The following RALGPS2 variants were observed in gnomAD, a reference collection of about 807,000 sequenced individuals.
RALGPS2 encodes the protein ras-specific guanine nucleotide-releasing factor RalGPS2.
In RALGPS2, 43 loss-of-function variants were observed where a neutral mutation model predicts 86.8. The ratio of observed to expected loss-of-function variants is 0.50; its 90% CI spans 0.39 to 0.64. RALGPS2 has a LOEUF of 0.64. Among genes scored for constraint, RALGPS2 ranks in the 30% least tolerant of loss-of-function variants. The probability of loss-of-function intolerance (pLI) is 0.00; values close to 1 mark genes in which losing one functional copy is unlikely to be tolerated. For synonymous variants in RALGPS2, 243 were observed against 231.3 expected (o/e 1.05, Z -0.46); for missense variants, 536 against 694.6 (o/e 0.77, Z 2.57).
chr1:178,856,807 T>C (rs1657618607), intron 8 of RALGPS2, among the ~76,000 whole-genome samples: 1 of 152,186 alleles, frequency 6.6e-6, no homozygotes, highest in Non-Finnish European at 1.5e-5. Context: ...TGTACAGTCA[T>C]TTCTACTGCA....
At chr1:178,824,865 A>C (rs1655678944) in intron 7 of RALGPS2, among the ~76,000 whole-genome samples, 1 of 152,148 alleles carries the variant, frequency 6.6e-6, no homozygotes, top group Admixed American at 6.5e-5. Flanking sequence ...CAGGGAAGGG[A>C]ACACATTTAG....
chr1:178,760,893 T>C (rs1173185181), intron 1 of RALGPS2, among the ~76,000 whole-genome samples: 2 of 152,206 alleles, frequency 1.3e-5, no homozygotes, highest in Non-Finnish European at 1.5e-5. Context: ...CCAGGTGGTT[T>C]TCTTCTTCTC....
intron 4 of RALGPS2, among the ~76,000 whole-genome samples, chr1:178,797,007 CA>C (rs1654224060): frequency 6.6e-6 from 1 of 152,082 alleles, no homozygotes; most frequent in Non-Finnish European, 1.5e-5. Context: ...TAAGGGGTAT[CA>C]AGGCTGCTAA....
At chr1:178,767,650 G>A (rs1476950441) in intron 1 of RALGPS2, among the ~76,000 whole-genome samples, 5 of 152,164 alleles carry the variant, frequency 3.3e-5, no homozygotes, top group Admixed American at 6.5e-5. Context: ...AGGCAGAAGC[G>A]GGACTGCTGG....
At chr1:178,905,147 T>G (rs957410382) in intron 18 of RALGPS2, among the ~76,000 whole-genome samples, 1 of 152,194 alleles carries the variant, frequency 6.6e-6, no homozygotes, top group African/African-American at 2.4e-5. Flanking sequence ...ATTCTTGATT[T>G]GATTCTCTGT....
At chr1:178,823,618 A>G (rs1655613478) in intron 7 of RALGPS2, among the ~76,000 whole-genome samples, 1 of 152,224 alleles carries the variant, frequency 6.6e-6, no homozygotes, top group Non-Finnish European at 1.5e-5. Context: ...AAAAAGGCCC[A>G]GATACATTCA....
At chr1:178,902,347 A>T (rs1046815597) in intron 18 of RALGPS2, 136 bp downstream of exon 18, 3 of 581,766 alleles carry the variant, frequency 5.2e-6, no homozygotes, top group Middle Eastern at 2.9e-4. Context: ...GCCAAAACCT[A>T]GTTTCACTGG....
At chr1:178,827,496 G>A (rs983948947) in intron 7 of RALGPS2, among the ~76,000 whole-genome samples, 31 of 147,748 alleles carry the variant, frequency 2.1e-4, no homozygotes, top group Non-Finnish European at 3.4e-4. Context: ...CCGGGTTCAC[G>A]CCATTCTCCT....
At chr1:178,772,686 A>G (rs531839059) in intron 1 of RALGPS2, among the ~76,000 whole-genome samples, 3 of 152,204 alleles carry the variant, frequency 2.0e-5, no homozygotes, top group Non-Finnish European at 2.9e-5. Flanking sequence ...ATCAGCCCAT[A>G]CTTTCATAGT....
chr1:178,785,575 G>T lies in RALGPS2; in HGVS notation c.181G>T (p.Asp61Tyr). ...ATTTCAGGGTCAGATAACATTAATGGATGTTCCAGTATTTAAAGCTATTCA... is the reference window on the plus strand; with the variant it reads ...ATTTCAGGGTCAGATAACATTAATGTATGTTCCAGTATTTAAAGCTATTCA... ...EEYAGQITLM[D>Y]VPVFKAIQPD... Residue 61 changes from aspartate (D) to tyrosine (Y), a missense_variant, in exon 4 of 20, where the codon GAT becomes TAT. Asp to Tyr is a radical substitution (Grantham distance 160, BLOSUM62 -3). Transcript: ENST00000367635. The T allele has an allele frequency of 6.3e-7, 1 of 1,582,706 alleles. No homozygotes were observed. Among genetic ancestry groups the T allele is most frequent in the Non-Finnish European group, 8.6e-7 (1 of 1,165,440 alleles).
intron 1 of RALGPS2, chr1:178,746,579 G>T: frequency 4.4e-6 from 3 of 684,206 alleles, no homozygotes; most frequent in East Asian, 2.8e-5. Context: ...GCAATCTAGA[G>T]GGTTAGCGAG....
intron 1 of RALGPS2, among the ~76,000 whole-genome samples, chr1:178,732,594 C>T (rs749396752): frequency 9.9e-5 from 15 of 152,264 alleles, no homozygotes; most frequent in Non-Finnish European, 1.5e-4. Context: ...CCACCACACT[C>T]GGCCATGTTC....
chr1:178,759,006 T>A (rs138919835), intron 1 of RALGPS2, among the ~76,000 whole-genome samples: 27 of 152,324 alleles, frequency 1.8e-4, no homozygotes, highest in Non-Finnish European at 3.2e-4. Flanking sequence ...CTGCAAATAT[T>A]TTCTTCCATT....
intron 8 of RALGPS2, chr1:178,865,584 A>C: frequency 1.2e-6 from 2 of 1,614,090 alleles, no homozygotes; most frequent in Non-Finnish European, 1.7e-6. Context: ...GTGTTGACAC[A>C]GATTGGCCCT....
intron 8 of RALGPS2, among the ~76,000 whole-genome samples, chr1:178,855,057 A>C (rs1657436100): frequency 6.6e-6 from 1 of 152,128 alleles, no homozygotes; most frequent in Non-Finnish European, 1.5e-5. Flanking sequence ...TTTTACTAGA[A>C]ATATGTGAGA....
At chr1:178,899,616 TGTTTTGGTTTTG>T (rs556440438) in intron 17 of RALGPS2, among the ~76,000 whole-genome samples, 4,457 of 150,616 alleles carry the variant, frequency 0.03, 257 homozygotes, top group African/African-American at 0.1. Context: ...TGTATTGTTG[TGTTTTGGTTTTG>T]GTTTTGGTTT....
chr1:178,760,206 T>C (rs1350865096), intron 1 of RALGPS2, among the ~76,000 whole-genome samples: 1 of 147,866 alleles, frequency 6.8e-6, no homozygotes. Context: ...AGGTGACTAT[T>C]AGGTCCAGTT....
intron 1 of RALGPS2, among the ~76,000 whole-genome samples, chr1:178,775,272 G>C (rs1379965923): frequency 1.3e-5 from 2 of 152,148 alleles, no homozygotes; most frequent in Admixed American, 6.5e-5. Flanking sequence ...GGTTTACACA[G>C]AGGTAATGTG....
chr1:178,742,319 A>C (rs1651082783), intron 1 of RALGPS2, among the ~76,000 whole-genome samples: 1 of 152,162 alleles, frequency 6.6e-6, no homozygotes, highest in Admixed American at 6.6e-5. Context: ...TGGCTATATT[A>C]ATATTGGACA....
Sources: allele counts gnomAD v4.1 joint callset (sites outside exome capture counted in the v4.1 genomes callset), GRCh38; gene constraint gnomAD v4.1.1; transcripts MANE v1.5; gene names NCBI Gene and HGNC (gene_info 2026-07-23, HGNC 2026-07-21).